Variants in WWC2 observed in about 807,000 individuals in gnomAD.
WWC2 encodes the protein WW and C2 domain containing 2, also known as protein WWC2.
Under a neutral mutation model 138.5 loss-of-function variants are expected in WWC2, and 101 were observed. That is an observed-to-expected ratio of 0.73 (90% confidence interval 0.62 to 0.86). The LOEUF (loss-of-function observed/expected upper bound fraction) is 0.86. Ranked by LOEUF, WWC2 falls within the 40% of genes least tolerant of loss-of-function variation. The pLI is 0.00. For synonymous variants in WWC2, 558 were observed against 538.4 expected, an observed-to-expected ratio of 1.04 and a Z score of -0.50; for missense variants, 1,420 against 1,419.4, an observed-to-expected ratio of 1.00 and a Z score of -0.01.
At chr4:183,207,836 C>T in intron 2 of WWC2, 117 bp from the exon 3 acceptor site, 1 of 947,512 alleles carries the variant, frequency 1.1e-6, no homozygotes, top group Non-Finnish European at 1.5e-6. Flanking sequence ...CACTCCAGCA[C>T]AGCTAAATAA....
At chr4:183,233,423 C>G (rs1736321676) in intron 4 of WWC2, among the ~76,000 whole-genome samples, 1 of 152,016 alleles carries the variant, frequency 6.6e-6, no homozygotes, top group Non-Finnish European at 1.5e-5. Flanking sequence ...TCCCAAAGTG[C>G]TGGGATTATA....
chr4:183,126,817 C>T (rs1036615714), intron 1 of WWC2, among the ~76,000 whole-genome samples: 16 of 151,958 alleles, frequency 1.1e-4, no homozygotes, highest in African/African-American at 3.9e-4. Context: ...GCAGCCTCCA[C>T]CTCCTGGCTC....
intron 14 of WWC2, among the ~76,000 whole-genome samples, chr4:183,267,899 T>C (rs1737557185): frequency 6.6e-6 from 1 of 152,164 alleles, no homozygotes; most frequent in Admixed American, 6.5e-5. Flanking sequence ...ATTCTTAAAA[T>C]TGTTCTTTTT....
chr4:183,124,595 CTT>C (rs1171031924), intron 1 of WWC2, among the ~76,000 whole-genome samples: 3 of 97,064 alleles, frequency 3.1e-5, no homozygotes, highest in African/African-American at 8.0e-5. Flanking sequence ...GCTTGCAGAT[CTT>C]TTTTTTTTTT....
At chr4:183,258,464 C>A (rs189221063) in intron 9 of WWC2, among the ~76,000 whole-genome samples, 33 of 152,146 alleles carry the variant, frequency 2.2e-4, no homozygotes, top group Admixed American at 2.2e-3. Context: ...GGGCATGTTT[C>A]CTTACTGCCA....
chr4:183,150,418 CAG>C (rs1048742543), intron 1 of WWC2, among the ~76,000 whole-genome samples: 16 of 152,212 alleles, frequency 1.1e-4, no homozygotes, highest in African/African-American at 3.1e-4. Flanking sequence ...GCATCTTAAA[CAG>C]AGTTCAAGGT....
At chr4:183,122,198 A>T (rs1442196717) in intron 1 of WWC2, among the ~76,000 whole-genome samples, 1 of 152,236 alleles carries the variant, frequency 6.6e-6, no homozygotes, top group African/African-American at 2.4e-5. Flanking sequence ...TAGGCAAATT[A>T]TAAAATCAGT....
In WWC2 at chr4:183,260,338, A is replaced by G. The variant is rs138344575; in HGVS notation, c.1287-572A>G. On this transcript the variant is annotated intron_variant, in intron 10 of 22. Transcript: ENST00000403733. ...TTTTTGCAAAAGGAGGATAATGTTT[A>G]ATAAGAATAGATTTGCTACTTAAAG... Among the ~76,000 whole-genome samples the G allele has an allele frequency of 1.5e-3, 230 of 152,330 alleles. 1 individual carries two copies. In the East Asian group the frequency reaches 0.035, roughly 23 times the overall value.
intron 2 of WWC2, among the ~76,000 whole-genome samples, chr4:183,202,040 A>G (rs987459311): frequency 3.9e-5 from 6 of 152,168 alleles, no homozygotes; most frequent in African/African-American, 1.4e-4. Flanking sequence ...CAGAGGAGAA[A>G]TCATGGCCCA....
chr4:183,254,037 TGTG>T, intron 9 of WWC2, 38 bp downstream of exon 9: 1 of 1,599,366 alleles, frequency 6.3e-7, no homozygotes, highest in South Asian at 1.1e-5. Context: ...GCTTAACTCT[TGTG>T]GGGGTGTCTT....
At chr4:183,109,353 T>C (rs1732154101) in intron 1 of WWC2, among the ~76,000 whole-genome samples, 4 of 152,214 alleles carry the variant, frequency 2.6e-5, no homozygotes, top group Admixed American at 2.6e-4. Context: ...ATATTAACCT[T>C]TTATGATAAA....
chr4:183,142,888 A>G (rs534073190), intron 1 of WWC2, among the ~76,000 whole-genome samples: 2 of 152,336 alleles, frequency 1.3e-5, no homozygotes, highest in East Asian at 3.9e-4. Context: ...CCTTCCATAA[A>G]TTATATATAA....
chr4:183,230,944 G>T (rs1213844021), intron 4 of WWC2, among the ~76,000 whole-genome samples: 1 of 152,056 alleles, frequency 6.6e-6, no homozygotes, highest in Admixed American at 6.6e-5. Flanking sequence ...AAACTGATTC[G>T]AGATGATAGA....
intron 4 of WWC2, among the ~76,000 whole-genome samples, chr4:183,230,057 T>C (rs917336855): frequency 1.3e-5 from 2 of 152,008 alleles, no homozygotes; most frequent in South Asian, 4.1e-4. Flanking sequence ...ACCCCTGGGC[T>C]CAGGCAATCT....
At chr4:183,301,201 G>A (rs887502037) in intron 21 of WWC2, among the ~76,000 whole-genome samples, 6 of 152,094 alleles carry the variant, frequency 3.9e-5, no homozygotes, top group South Asian at 2.1e-4. Flanking sequence ...TTCTCAGTGT[G>A]TACTAAGTCA....
intron 8 of WWC2, among the ~76,000 whole-genome samples, chr4:183,251,525 C>G (rs1366444952): frequency 6.6e-6 from 1 of 152,206 alleles, no homozygotes; most frequent in Non-Finnish European, 1.5e-5. Flanking sequence ...CTAGGTGCTT[C>G]TAAAACTCTT....
At chr4:183,117,752 G>A (rs901171458) in intron 1 of WWC2, among the ~76,000 whole-genome samples, 3 of 151,034 alleles carry the variant, frequency 2.0e-5, no homozygotes, top group African/African-American at 7.3e-5. Context: ...TTACAGGCGT[G>A]AGCCACCATG....
intron 1 of WWC2, among the ~76,000 whole-genome samples, chr4:183,170,916 G>C (rs1456566019): frequency 1.3e-5 from 2 of 151,622 alleles, no homozygotes; most frequent in Non-Finnish European, 2.9e-5. Flanking sequence ...TGAGCTTCAA[G>C]TGATCCTCCT....
At chr4:183,164,349 T>A (rs868041922) in intron 1 of WWC2, among the ~76,000 whole-genome samples, 18 of 139,790 alleles carry the variant, frequency 1.3e-4, no homozygotes, top group African/African-American at 4.9e-4. Flanking sequence ...ATATATATAT[T>A]ATATATACAT....
Sources: allele counts gnomAD v4.1 joint callset (sites outside exome capture counted in the v4.1 genomes callset), GRCh38; gene constraint gnomAD v4.1.1; transcripts MANE v1.5; gene names NCBI Gene and HGNC (gene_info 2026-07-23, HGNC 2026-07-21).